The following ZC4H2 variants were observed in gnomAD, a reference collection of about 807,000 sequenced individuals.
ZC4H2 encodes the protein zinc finger C4H2 domain-containing protein.
For missense variants in ZC4H2, 137 were observed against 173.9 expected, an observed-to-expected ratio of 0.79 and a Z score of 1.19; for synonymous variants, 84 against 66.3, an observed-to-expected ratio of 1.27 and a Z score of -1.30.
At chrX:64,953,026 C>T (rs779562690) in intron 1 of ZC4H2, among the ~76,000 whole-genome samples, 1 of 111,875 alleles carries the variant, frequency 8.9e-6, no homozygotes, top group East Asian at 2.8e-4. Context: ...CACATATCTA[C>T]AACTATCTGA....
intron 2 of ZC4H2, among the ~76,000 whole-genome samples, chrX:64,921,084 T>G: frequency 8.9e-6 from 1 of 112,777 alleles, no homozygotes; most frequent in East Asian, 2.8e-4. Context: ...ATTTCCTTTA[T>G]GATCCTAGGT....
Position 64,917,698 on chromosome X carries a change from AAGGGTTGTTTCACATC to A in ZC4H2, c.*69_*84del. On this transcript the variant is annotated 3_prime_UTR_variant, in exon 5 of 5. Transcript: ENST00000374839. ...AATAGGAGACTTCGTGGGGTTGGGC[AAGGGTTGTTTCACATC>A]AGGACATCAATGACTCTGGTCAAGG... 1.7e-6 allele frequency: 2 copies of A among 1,152,073 alleles called. No individual in the cohort carries two copies. Among genetic ancestry groups the A allele is most frequent in the South Asian group, 3.9e-5 (2 of 50,913 alleles). The allele number at this position is 1,152,073 out of a possible 1,213,427, so 94.9% of individuals were successfully genotyped here. A position where few individuals can be genotyped will look rare whatever the true frequency, so the allele number is the denominator to read the frequency against.
intron 1 of ZC4H2, among the ~76,000 whole-genome samples, chrX:64,947,769 T>C (rs1409951658): frequency 9.0e-6 from 1 of 111,624 alleles, no homozygotes; most frequent in African/African-American, 3.3e-5. Context: ...GTTCAAACTG[T>C]GAATAATGCA....
chrX:65,023,321 C>T (rs965477992), intron 1 of ZC4H2, among the ~76,000 whole-genome samples: 21 of 111,613 alleles, frequency 1.9e-4, no homozygotes, highest in Non-Finnish European at 2.6e-4. Flanking sequence ...ATTTGACTTC[C>T]TCTTTTCCTA....
In ZC4H2 at chrX:64,956,848, C is replaced by T. The variant is rs1275301226; in HGVS notation, c.53+19477G>A. On this transcript the variant is annotated intron_variant, in intron 1 of 4. Coordinates refer to ENST00000374839, the MANE Select transcript of ZC4H2 (RefSeq NM_018684.4). ...GGTACCCTCTACTCTGTCCTTGTTCCCACCTTGTAAAACCCACTGTTCTAC... is the reference window on the plus strand; with the variant it reads ...GGTACCCTCTACTCTGTCCTTGTTCTCACCTTGTAAAACCCACTGTTCTAC... Among the ~76,000 whole-genome samples the T allele has an allele frequency of 2.7e-5, 3 of 112,210 alleles. No homozygotes were observed. The Admixed American group carries it at 2.8e-4, about 11-fold the overall frequency.
intron 1 of ZC4H2, among the ~76,000 whole-genome samples, chrX:64,971,766 A>G (rs1393729598): frequency 8.9e-6 from 1 of 111,760 alleles, no homozygotes; most frequent in African/African-American, 3.3e-5. Flanking sequence ...GTGTGTAGAA[A>G]GAAAAAAAGA....
chrX:64,940,178 CAT>C (rs765057430), intron 1 of ZC4H2, among the ~76,000 whole-genome samples: 135 of 112,118 alleles, frequency 1.2e-3, no homozygotes, highest in African/African-American at 3.9e-3. Context: ...AGCTTTTCTT[CAT>C]ATGTTTGTTG....
At chrX:64,952,716 T>A (rs966554669) in intron 1 of ZC4H2, among the ~76,000 whole-genome samples, 12 of 109,863 alleles carry the variant, frequency 1.1e-4, no homozygotes, top group Non-Finnish European at 2.1e-4. Context: ...ATAGCAAGAA[T>A]CAATATCGTG....
At chrX:64,944,990 A>C (rs1355538407) in intron 1 of ZC4H2, among the ~76,000 whole-genome samples, 1 of 112,309 alleles carries the variant, frequency 8.9e-6, no homozygotes, top group Non-Finnish European at 1.9e-5. Flanking sequence ...AACTTTTATA[A>C]AATTTCTTAG....
At chrX:64,923,573 C>T (rs1449289954) in intron 1 of ZC4H2, among the ~76,000 whole-genome samples, 1 of 110,412 alleles carries the variant, frequency 9.1e-6, no homozygotes, top group Non-Finnish European at 1.9e-5. Flanking sequence ...CCTCTTGCCT[C>T]AAGAGGTAGC....
At chrX:64,966,142 T>G (rs1028630575) in intron 1 of ZC4H2, among the ~76,000 whole-genome samples, 1 of 110,958 alleles carries the variant, frequency 9.0e-6, no homozygotes, top group African/African-American at 3.3e-5. Flanking sequence ...AACAAAAGGT[T>G]TGAATAAACA....
chrX:64,929,978 C>T (rs5964881), intron 1 of ZC4H2, among the ~76,000 whole-genome samples: 26,710 of 110,930 alleles, frequency 0.24, 7,701 homozygotes, highest in African/African-American at 0.83. Flanking sequence ...CATTTTCATA[C>T]TATTGATTCT....
intron 1 of ZC4H2, among the ~76,000 whole-genome samples, chrX:64,971,736 A>G (rs1369945964): frequency 1.8e-5 from 2 of 111,679 alleles, no homozygotes; most frequent in Admixed American, 1.9e-4. Context: ...CCATGGAAGT[A>G]CAGGAATTTA....
In ZC4H2 at chrX:64,984,990, G is replaced by A. The variant is rs1186929306; in HGVS notation, c.-272+49639C>T. On this transcript the variant is annotated intron_variant, in intron 1 of 4. Coordinates refer to the ZC4H2 transcript ENST00000337990. ...GTTCACAAAGCTGGTTTCAATAATG[G>A]CCTCCAACTCCATCCACGTTGCTGC... Among the ~76,000 whole-genome samples, 3 of 111,760 alleles carry A rather than the reference G, an allele frequency of 2.7e-5. No individual in the cohort carries two copies. In the Admixed American group the frequency reaches 2.8e-4, roughly 11 times the overall value.
chrX:64,941,049 T>G (rs745546358), intron 1 of ZC4H2, among the ~76,000 whole-genome samples: 2 of 112,039 alleles, frequency 1.8e-5, no homozygotes, highest in South Asian at 7.5e-4. Flanking sequence ...GTTTTTCCAT[T>G]TGTTTGTGTC....
intron 1 of ZC4H2, among the ~76,000 whole-genome samples, chrX:64,950,945 A>G (rs966096783): frequency 1.8e-5 from 2 of 110,476 alleles, no homozygotes; most frequent in Non-Finnish European, 3.8e-5. Context: ...TCCTAATGCC[A>G]TAGCTCCCCA....
At chrX:64,918,000 T>C in intron 4 of ZC4H2, 104 bp from the exon 5 acceptor site, 1 of 959,504 alleles carries the variant, frequency 1.0e-6, no homozygotes, top group Middle Eastern at 3.1e-4. Flanking sequence ...TGATTTCCCA[T>C]CAGAAGAGAG....
chrX:64,955,865 C>T (rs1157492357), intron 1 of ZC4H2, among the ~76,000 whole-genome samples: 4 of 111,821 alleles, frequency 3.6e-5, no homozygotes, highest in East Asian at 2.8e-4. Context: ...GAAGCTTTAA[C>T]GGTACACACG....
At chrX:64,936,069 A>C (rs1929996627) in intron 1 of ZC4H2, among the ~76,000 whole-genome samples, 1 of 110,174 alleles carries the variant, frequency 9.1e-6, no homozygotes, top group South Asian at 3.9e-4. Flanking sequence ...AGTTTAGAGA[A>C]GAACATAAAT....
Sources: gnomAD v4.1 joint callset for allele counts (sites outside exome capture counted in the v4.1 genomes callset) on GRCh38, gnomAD v4.1.1 for gene constraint, MANE v1.5 for transcripts, NCBI Gene and HGNC (gene_info 2026-07-23, HGNC 2026-07-21) for gene names.